Variants in CCDC7 observed in about 807,000 individuals in gnomAD.
The protein encoded by CCDC7 is coiled-coil domain-containing protein 7.
A neutral mutation model predicts 196.9 loss-of-function variants in CCDC7; 183 were observed. The ratio of observed to expected loss-of-function variants is 0.93; its 90% CI spans 0.82 to 1.05. CCDC7 has a LOEUF of 1.05. Among genes scored for constraint, CCDC7 ranks in the 50% least tolerant of loss-of-function variants. The pLI, the probability that CCDC7 is intolerant of heterozygous loss-of-function variation, is 0.00. For missense variants in CCDC7, 1,540 were observed against 1,482.2 expected, an observed-to-expected ratio of 1.04 and a Z score of -0.64; for synonymous variants, 525 against 484.6, an observed-to-expected ratio of 1.08 and a Z score of -1.10.
At chr10:32,830,694 A>G (rs2092075815) in intron 32 of CCDC7, among the ~76,000 whole-genome samples, 1 of 152,158 alleles carries the variant, frequency 6.6e-6, no homozygotes, top group Non-Finnish European at 1.5e-5. Flanking sequence ...CAATAACTGA[A>G]GAAAAATTCA....
Position 32,711,888 on chromosome 10 carries a change from A to G in CCDC7, c.2569+158A>G, listed in dbSNP as rs943721447. ...TAACTCAAGAAAGAAAACAAAGATA[A>G]TGATATGTTTTGGTTAGAATTTCTT... On this transcript the variant is annotated intron_variant, in intron 25 of 41. Transcript: ENST00000639629. 1.4e-4 allele frequency among the ~76,000 whole-genome samples: 21 copies of G among 152,236 alleles called. 1 individual carries two copies.
At chr10:32,717,080 C>G (rs1020885061) in intron 25 of CCDC7, among the ~76,000 whole-genome samples, 2 of 152,094 alleles carry the variant, frequency 1.3e-5, no homozygotes, top group Non-Finnish European at 2.9e-5. Context: ...AGAATATACA[C>G]TCTTCTCAGC....
intron 16 of CCDC7, among the ~76,000 whole-genome samples, chr10:32,577,221 G>A (rs1194686699): frequency 1.3e-5 from 2 of 152,004 alleles, no homozygotes; most frequent in Non-Finnish European, 2.9e-5. Context: ...AATTAGCTGG[G>A]CATGGTCGTG....
chr10:32,820,881 A>C (rs1367845488), intron 31 of CCDC7, among the ~76,000 whole-genome samples: 1 of 152,206 alleles, frequency 6.6e-6, no homozygotes, highest in Non-Finnish European at 1.5e-5. Context: ...AAACCTAGGC[A>C]ATACCATTCA....
intron 11 of CCDC7, among the ~76,000 whole-genome samples, chr10:32,524,655 T>C (rs1454709336): frequency 6.6e-6 from 1 of 152,230 alleles, no homozygotes; most frequent in Non-Finnish European, 1.5e-5. Context: ...AGCTATACTA[T>C]TCTAGGGTAA....
At chr10:32,844,129 A>G (rs1385830315) in intron 33 of CCDC7, among the ~76,000 whole-genome samples, 24 of 151,882 alleles carry the variant, frequency 1.6e-4, no homozygotes. Flanking sequence ...GACCCAAGTC[A>G]CCCATTCTAA....
chr10:32,584,127 C>A, intron 17 of CCDC7, 105 bp from the exon 19 acceptor site: 1 of 453,230 alleles, frequency 2.2e-6, no homozygotes, highest in Non-Finnish European at 3.7e-6. Context: ...TAGATGAGAG[C>A]AAAAAGCTAG....
At chr10:32,649,939 T>C (rs759578220) in intron 20 of CCDC7, among the ~76,000 whole-genome samples, 2 of 152,228 alleles carry the variant, frequency 1.3e-5, no homozygotes, top group African/African-American at 4.8e-5. Context: ...CTTTCTTGGA[T>C]TGATTTTCAA....
chr10:32,517,626 G>C (rs2047223637), intron 9 of CCDC7, among the ~76,000 whole-genome samples: 1 of 107,202 alleles, frequency 9.3e-6, no homozygotes, highest in Non-Finnish European at 1.9e-5. Context: ...TATGGGGTGG[G>C]GGGAGGGGGG....
intron 8 of CCDC7, among the ~76,000 whole-genome samples, chr10:32,491,360 C>T (rs543098851): frequency 1.3e-5 from 2 of 152,164 alleles, no homozygotes; most frequent in East Asian, 1.9e-4. Context: ...TGTGGTATTA[C>T]CCCAATAGTT....
intron 11 of CCDC7, among the ~76,000 whole-genome samples, chr10:32,523,477 A>T (rs1210457569): frequency 2.0e-5 from 3 of 151,422 alleles, no homozygotes; most frequent in Non-Finnish European, 4.4e-5. Context: ...TGAACCTGGG[A>T]GGCAGAGGTT....
intron 13 of CCDC7, among the ~76,000 whole-genome samples, chr10:32,546,843 A>G (rs982368391): frequency 6.6e-6 from 1 of 152,138 alleles, no homozygotes; most frequent in Non-Finnish European, 1.5e-5. Flanking sequence ...ATGTCTTGAG[A>G]ATCCTCTTCC....
intron 20 of CCDC7, among the ~76,000 whole-genome samples, chr10:32,640,245 T>C (rs1394869674): frequency 1.3e-5 from 2 of 152,166 alleles, no homozygotes; most frequent in Non-Finnish European, 2.9e-5. Context: ...TGCATACATA[T>C]TTAGGATAGT....
intron 20 of CCDC7, among the ~76,000 whole-genome samples, chr10:32,657,894 A>G (rs1436927717): frequency 6.6e-6 from 1 of 152,184 alleles, no homozygotes; most frequent in Non-Finnish European, 1.5e-5. Context: ...GATACCATAA[A>G]TCATCTCTCT....
intron 20 of CCDC7, among the ~76,000 whole-genome samples, chr10:32,656,094 T>TA (rs1317714978): frequency 6.6e-6 from 1 of 152,150 alleles, no homozygotes; most frequent in Non-Finnish European, 1.5e-5. Flanking sequence ...GGGGTTGTAT[T>TA]AAAAAAATCA....
intron 19 of CCDC7, among the ~76,000 whole-genome samples, 198 bp from the exon 21 acceptor site, chr10:32,634,859 A>G (rs576605768): frequency 2.0e-5 from 3 of 152,356 alleles, no homozygotes; most frequent in South Asian, 2.1e-4. Context: ...TGGTATTTGC[A>G]TAGTCAGTGA....
At chr10:32,565,528 A>G in intron 13 of CCDC7, 30 bp from the exon 15 acceptor site, 2 of 1,598,834 alleles carry the variant, frequency 1.3e-6, no homozygotes, top group Non-Finnish European at 1.7e-6. Context: ...ACCAAAGTAA[A>G]TACCTTTTTT....
intron 8 of CCDC7, chr10:32,481,688 A>G (rs1175758485): frequency 6.6e-6 from 1 of 152,096 alleles, no homozygotes; most frequent in African/African-American, 2.4e-5. Context: ...AGCTCCCTTT[A>G]TCATTTTTGT....
At chr10:32,491,568 A>T (rs1337277301) in intron 8 of CCDC7, among the ~76,000 whole-genome samples, 1 of 152,178 alleles carries the variant, frequency 6.6e-6, no homozygotes, top group Admixed American at 6.5e-5. Flanking sequence ...ATATCATAAG[A>T]AGGTCACATA....
Sources: allele counts gnomAD v4.1 joint callset (sites outside exome capture counted in the v4.1 genomes callset), GRCh38; gene constraint gnomAD v4.1.1; transcripts MANE v1.5; gene names NCBI Gene and HGNC (gene_info 2026-07-23, HGNC 2026-07-21).